Variants in ITGA9 observed in about 807,000 individuals in gnomAD.
ITGA9 encodes integrin subunit alpha 9.
Under a neutral mutation model 127.8 loss-of-function variants are expected in ITGA9, and 56 were observed. That is an observed-to-expected ratio of 0.44 (90% CI 0.35 to 0.55). The LOEUF is 0.55. Ranked by LOEUF, ITGA9 falls within the 20% of genes least tolerant of loss-of-function variation. The pLI is 0.00. For missense variants in ITGA9, 1,196 were observed against 1,347.1 expected, an observed-to-expected ratio of 0.89 and a Z score of 1.76; for synonymous variants, 508 against 514.5, an observed-to-expected ratio of 0.99 and a Z score of 0.17.
intron 15 of ITGA9, among the ~76,000 whole-genome samples, chr3:37,583,900 T>C (rs1403099258): frequency 6.6e-6 from 1 of 152,224 alleles, no homozygotes; most frequent in Non-Finnish European, 1.5e-5. Flanking sequence ...TGGGACTACA[T>C]GTTTTCTCTT....
At chr3:37,748,909 G>A (rs1279044593) in intron 22 of ITGA9, 6 of 823,090 alleles carry the variant, frequency 7.3e-6, no homozygotes, top group Non-Finnish European at 1.3e-5. Context: ...CATAATAGGT[G>A]TCTAAAAAAT....
At chr3:37,727,395 T>C (rs1464755132) in intron 18 of ITGA9, among the ~76,000 whole-genome samples, 1 of 152,222 alleles carries the variant, frequency 6.6e-6, no homozygotes, top group East Asian at 1.9e-4. Flanking sequence ...GTTATGTGAA[T>C]CCTCTTAAAA....
At chr3:37,574,628 G>T (rs1183361976) in intron 15 of ITGA9, among the ~76,000 whole-genome samples, 1 of 152,188 alleles carries the variant, frequency 6.6e-6, no homozygotes, top group Non-Finnish European at 1.5e-5. Flanking sequence ...TCTCCTTTTA[G>T]CCCCACAGTT....
At chr3:37,746,398 A>G (rs1173967100) in intron 22 of ITGA9, among the ~76,000 whole-genome samples, 1 of 152,256 alleles carries the variant, frequency 6.6e-6, no homozygotes. Flanking sequence ...TTTCTCGACA[A>G]TAAGAGGCTT....
At chr3:37,817,593 C>T (rs1263801813) in intron 27 of ITGA9, among the ~76,000 whole-genome samples, 1 of 152,178 alleles carries the variant, frequency 6.6e-6, no homozygotes, top group East Asian at 1.9e-4. Context: ...GGTATTTGTA[C>T]ACCCGATACA....
At chr3:37,733,920 T>C (rs1328361477) in intron 19 of ITGA9, among the ~76,000 whole-genome samples, 1 of 152,180 alleles carries the variant, frequency 6.6e-6, no homozygotes, top group African/African-American at 2.4e-5. Flanking sequence ...CCTAAAATAA[T>C]CTTAGTGTAC....
chr3:37,614,704 G>A (rs1700057469), intron 15 of ITGA9, among the ~76,000 whole-genome samples: 1 of 151,904 alleles, frequency 6.6e-6, no homozygotes, highest in Admixed American at 6.6e-5. Context: ...TGGATTCCTA[G>A]GTATTTTATT....
At chr3:37,779,853 T>C (rs1696954141) in intron 24 of ITGA9, 49 bp from the exon 25 acceptor site, 1 of 1,603,688 alleles carries the variant, frequency 6.2e-7, no homozygotes, top group Non-Finnish European at 8.5e-7. Context: ...GTTGTGGATT[T>C]GTCTTTGTTC....
chr3:37,464,973 G>A (rs1698354569), intron 1 of ITGA9, among the ~76,000 whole-genome samples: 1 of 151,230 alleles, frequency 6.6e-6, no homozygotes, highest in East Asian at 1.9e-4. Flanking sequence ...GGGTTTCCCC[G>A]TGGTGGACAC....
At chr3:37,702,253 A>G (rs987696589) in intron 18 of ITGA9, among the ~76,000 whole-genome samples, 3 of 152,232 alleles carry the variant, frequency 2.0e-5, no homozygotes, top group East Asian at 1.9e-4. Flanking sequence ...TCTCAGCCCC[A>G]GGACGGTGCA....
At chr3:37,470,856 C>G (rs1016194989) in intron 1 of ITGA9, 151 bp from the exon 2 acceptor site, 1 of 771,832 alleles carries the variant, frequency 1.3e-6, no homozygotes, top group African/African-American at 1.7e-5. Flanking sequence ...ACTTTAGGAC[C>G]TCTCCCCCAA....
Position 37,629,554 on chromosome 3 carries a change from C to G in ITGA9, c.1839+218C>G. ...ACTGTGGGACTTAAACACTTTCAGA[C>G]AATTCTCAGGCTGTTAGAAGTTACA... On this transcript the variant is annotated intron_variant, in intron 16 of 27. Transcript: ENST00000264741. This position sits in a 1 kb window ranked among gnomAD's most constrained non-coding sequence, Gnocchi z 4.5. The G allele has an allele frequency of 1.6e-6, 1 of 641,616 alleles. No homozygotes were observed. Among genetic ancestry groups the G allele is most frequent in the Non-Finnish European group, 2.8e-6 (1 of 362,120 alleles). 39.7% of individuals were successfully genotyped at this position (641,616 alleles called of 1,614,324 possible).
At chr3:37,669,728 T>A (rs565708871) in intron 17 of ITGA9, among the ~76,000 whole-genome samples, 3 of 152,290 alleles carry the variant, frequency 2.0e-5, no homozygotes, top group African/African-American at 7.2e-5. Context: ...AAACCAGACT[T>A]GTGGAGTAAT....
At chr3:37,475,173 C>A (rs1488972093) in intron 3 of ITGA9, among the ~76,000 whole-genome samples, 1 of 152,234 alleles carries the variant, frequency 6.6e-6, no homozygotes, top group South Asian at 2.1e-4. Flanking sequence ...ACAAATGGGC[C>A]CCAGAGGGGC....
Position 37,777,512 on chromosome 3 carries a change from G to A in ITGA9, c.2662G>A (p.Val888Ile), listed in dbSNP as rs777183871. ...FAFFTKSGRK[V>I]LDCEKPGISC... ...TTTTTTCACAAAGTCTGGAAGAAAA[G>A]TCTTGGTAAGGATTTGTTTAGTGGT... The change falls in exon 24 of 28, where the codon GTC becomes ATC. Residue 888 changes from valine (V) to isoleucine (I), a missense_variant. Transcript: ENST00000264741. 44 of 1,614,060 alleles carry A rather than the reference G, an allele frequency of 2.7e-5. No homozygotes were observed. The South Asian group carries it at 4.8e-4, about 18-fold the overall frequency.
At chr3:37,697,489 C>T (rs9877273) in intron 18 of ITGA9, among the ~76,000 whole-genome samples, 2,612 of 152,038 alleles carry the variant, frequency 0.017, 73 homozygotes, top group African/African-American at 0.059. Flanking sequence ...TCCCCTTGCC[C>T]CCAACCCCAC....
At chr3:37,516,624 T>G (rs1208755226) in intron 9 of ITGA9, among the ~76,000 whole-genome samples, 1 of 152,194 alleles carries the variant, frequency 6.6e-6, no homozygotes, top group African/African-American at 2.4e-5. Context: ...TCATCTCACC[T>G]TGACTGTTTT....
intron 1 of ITGA9, among the ~76,000 whole-genome samples, chr3:37,467,173 C>G (rs1385466776): frequency 6.6e-6 from 1 of 152,194 alleles, no homozygotes; most frequent in East Asian, 1.9e-4. Flanking sequence ...CAAGCACATT[C>G]CCGCGTGCCA....
intron 15 of ITGA9, among the ~76,000 whole-genome samples, chr3:37,559,777 C>T (rs1288409939): frequency 1.3e-5 from 2 of 152,280 alleles, no homozygotes; most frequent in Non-Finnish European, 2.9e-5. Flanking sequence ...TCCCTGGCTC[C>T]CTGGGAGGCC....
Sources: allele counts gnomAD v4.1 joint callset (sites outside exome capture counted in the v4.1 genomes callset), GRCh38; gene constraint gnomAD v4.1.1; non-coding constraint Gnocchi (gnomAD v3.1); transcripts MANE v1.5; gene names NCBI Gene and HGNC (gene_info 2026-07-23, HGNC 2026-07-21).